ESRRG: variants seen among roughly 807,000 people sequenced by gnomAD.
ESRRG encodes the protein estrogen related receptor gamma, also known as estrogen-related receptor gamma.
A neutral mutation model predicts 44.0 loss-of-function variants in ESRRG; 13 were observed. That is an observed-to-expected ratio of 0.30 (90% CI 0.19 to 0.47). ESRRG has a LOEUF of 0.47. Ranked by LOEUF, ESRRG falls within the 20% of genes least tolerant of loss-of-function variation. The pLI, the probability that ESRRG is intolerant of heterozygous loss-of-function variation, is 1.00. For missense variants in ESRRG, 395 were observed against 580.6 expected, an observed-to-expected ratio of 0.68 and a Z score of 3.29; for synonymous variants, 215 against 214.6, an observed-to-expected ratio of 1.00 and a Z score of -0.02.
At chr1:216,748,217 C>T (rs1209944438) in intron 2 of ESRRG, among the ~76,000 whole-genome samples, 1 of 152,130 alleles carries the variant, frequency 6.6e-6, no homozygotes. Flanking sequence ...GAACAGGTTA[C>T]AAGTATCACA....
Position 217,061,649 on chromosome 1 carries a change from G to T in ESRRG, c.-106+27858C>A, listed in dbSNP as rs1294161336. Among the ~76,000 whole-genome samples the T allele has an allele frequency of 9.9e-5, 15 of 152,140 alleles. No individual in the cohort carries two copies. In the East Asian group the frequency reaches 2.7e-3, roughly 27 times the overall value. ...CCAAGATAGTTTCTTTATTAAATTTGCTGTGCAGAAATAGAAAAACAAGGC... is the reference window on the plus strand; with the variant it reads ...CCAAGATAGTTTCTTTATTAAATTTTCTGTGCAGAAATAGAAAAACAAGGC... On this transcript the variant is annotated intron_variant, in intron 1 of 7. Coordinates refer to the ESRRG transcript ENST00000359162.
At chr1:216,931,199 T>A (rs1056291734) in intron 2 of ESRRG, among the ~76,000 whole-genome samples, 1 of 152,200 alleles carries the variant, frequency 6.6e-6, no homozygotes, top group African/African-American at 2.4e-5. Flanking sequence ...CTAATTCTCA[T>A]ATGAGGATCC....
At chr1:216,911,594 T>C (rs998744821) in intron 2 of ESRRG, among the ~76,000 whole-genome samples, 7 of 152,102 alleles carry the variant, frequency 4.6e-5, no homozygotes, top group African/African-American at 1.7e-4. Context: ...ACTTTGGATT[T>C]GGGTGATAAT....
chr1:216,897,985 G>T (rs1371887673), intron 2 of ESRRG, among the ~76,000 whole-genome samples: 1 of 152,108 alleles, frequency 6.6e-6, no homozygotes, highest in Non-Finnish European at 1.5e-5. Context: ...CATACGATAG[G>T]CTTTCCTCAT....
At chr1:216,764,937 T>C (rs893081297) in intron 2 of ESRRG, among the ~76,000 whole-genome samples, 3 of 150,468 alleles carry the variant, frequency 2.0e-5, no homozygotes, top group African/African-American at 7.3e-5. Flanking sequence ...AGAGGGAGAG[T>C]TGTGTGGAAC....
At position 216,729,731 on chromosome 1, in the gene ESRRG, C is replaced by A. The variant is rs539099259; in HGVS notation, c.-13-52240G>T. ...GAAGGGGAGAGAGAAATTGCTTGTA[C>A]TCCATTTCTCTTCCTTTAAGACACT... On this transcript the variant is annotated intron_variant, in intron 2 of 7. Transcript: ENST00000359162. Among the ~76,000 whole-genome samples the A allele has an allele frequency of 2.6e-5, 4 of 152,246 alleles. No individual in the cohort carries two copies. The East Asian group carries it at 7.8e-4, about 30-fold the overall frequency.
At chr1:217,056,241 A>G (rs2087059774) in intron 1 of ESRRG, among the ~76,000 whole-genome samples, 1 of 152,138 alleles carries the variant, frequency 6.6e-6, no homozygotes, top group African/African-American at 2.4e-5. Context: ...GTAAGTGAGA[A>G]ATACTTTAAG....
chr1:216,925,666 C>G (rs764448503), intron 2 of ESRRG, among the ~76,000 whole-genome samples: 1 of 151,496 alleles, frequency 6.6e-6, no homozygotes, highest in Non-Finnish European at 1.5e-5. Context: ...AGTGGGTCTG[C>G]TCGGCTGGGT....
rs141901478 is a variant in ESRRG at position 217,038,150 on chromosome 1, C to T, written c.-106+51357G>A. On this transcript the variant is annotated intron_variant, in intron 1 of 7. Coordinates refer to the ESRRG transcript ENST00000359162. ...TGGAGGATGGTGGCCCTCTTCTCAC[C>T]GCTCCACTAGGCAGTGCCCCAGAAG... 6.2e-3 allele frequency among the ~76,000 whole-genome samples: 947 copies of T among 152,270 alleles called. 4 individuals carry two copies. The highest frequency in any genetic ancestry group is 1.0e-2 in the Non-Finnish European group (679 of 68,020).
At chr1:216,666,900 G>A (rs1486102921) in intron 2 of ESRRG, among the ~76,000 whole-genome samples, 1 of 152,194 alleles carries the variant, frequency 6.6e-6, no homozygotes, top group Non-Finnish European at 1.5e-5. Flanking sequence ...AGACTTAACA[G>A]GTTGTAGTTT....
chr1:216,599,619 C>T (rs377220730), intron 3 of ESRRG, among the ~76,000 whole-genome samples: 6 of 151,972 alleles, frequency 3.9e-5, no homozygotes, highest in Admixed American at 1.3e-4. Flanking sequence ...CAGTTTCAAC[C>T]CTGATTAATG....
At chr1:216,681,463 G>T (rs2077019889) in intron 1 of ESRRG, among the ~76,000 whole-genome samples, 1 of 151,928 alleles carries the variant, frequency 6.6e-6, no homozygotes, top group African/African-American at 2.4e-5. Flanking sequence ...CCGACAACAG[G>T]CCCCAGTGTG....
intron 3 of ESRRG, among the ~76,000 whole-genome samples, chr1:216,612,911 G>A (rs910419913): frequency 2.6e-5 from 4 of 152,158 alleles, no homozygotes; most frequent in Admixed American, 2.6e-4. Context: ...CTAAATACAT[G>A]GGCCAGAATA....
rs547490540 is a variant in ESRRG, at chr1:216,927,754, C to A, written c.-14+11828G>T. Among the ~76,000 whole-genome samples the A allele has an allele frequency of 4.6e-5, 7 of 152,200 alleles. No individual in the cohort carries two copies. The East Asian group carries it at 5.8e-4, about 13-fold the overall frequency. On this transcript the variant is annotated intron_variant, in intron 2 of 7. Transcript: ENST00000359162. ...CTGGTGCCATACTGGATGCTGGCAC[C>A]GCGGGACGGGGCTCCCAGATCATGA...
At chr1:217,035,923 C>G (rs1346713421) in intron 1 of ESRRG, among the ~76,000 whole-genome samples, 1 of 152,088 alleles carries the variant, frequency 6.6e-6, no homozygotes, top group African/African-American at 2.4e-5. Flanking sequence ...CAACAAAGGT[C>G]TAATATTCAG....
At chr1:216,949,714 G>A (rs1246098441) in intron 1 of ESRRG, among the ~76,000 whole-genome samples, 2 of 152,066 alleles carry the variant, frequency 1.3e-5, no homozygotes, top group Non-Finnish European at 2.9e-5. Flanking sequence ...TACAACAAAT[G>A]AGCAAGAAAT....
At chr1:216,890,152 T>C (rs1560000343) in intron 2 of ESRRG, among the ~76,000 whole-genome samples, 1 of 151,782 alleles carries the variant, frequency 6.6e-6, no homozygotes, top group Non-Finnish European at 1.5e-5. Flanking sequence ...GTAGTCCCAG[T>C]GACTTGGAAG....
intron 5 of ESRRG, among the ~76,000 whole-genome samples, chr1:216,537,405 G>T (rs778060527): frequency 6.6e-6 from 1 of 151,918 alleles, no homozygotes. Context: ...TATTTTTGTC[G>T]TAACAGCCCA....
At chr1:216,804,721 G>A (rs2094732487) in intron 2 of ESRRG, among the ~76,000 whole-genome samples, 1 of 151,430 alleles carries the variant, frequency 6.6e-6, no homozygotes, top group Non-Finnish European at 1.5e-5. Flanking sequence ...TCATTCCTTT[G>A]AGGGAGTGAT....
Sources: allele counts gnomAD v4.1 joint callset (sites outside exome capture counted in the v4.1 genomes callset), GRCh38; gene constraint gnomAD v4.1.1; transcripts MANE v1.5; gene names NCBI Gene and HGNC (gene_info 2026-07-23, HGNC 2026-07-21).